Variants in MAP7 observed in about 807,000 individuals in gnomAD.
MAP7 encodes the protein microtubule associated protein 7.
Under a neutral mutation model 94.8 loss-of-function variants are expected in MAP7, and 52 were observed. The ratio of observed to expected loss-of-function variants is 0.55; its 90% CI spans 0.44 to 0.69. MAP7 has a LOEUF of 0.69. MAP7 is among the 30% of genes least tolerant of loss of function. The pLI is 0.00. For synonymous variants in MAP7, 350 were observed against 357.0 expected, an observed-to-expected ratio of 0.98 and a Z score of 0.22; for missense variants, 940 against 964.6, an observed-to-expected ratio of 0.97 and a Z score of 0.34.
intron 6 of MAP7, among the ~76,000 whole-genome samples, chr6:136,382,136 C>A (rs1777983761): frequency 6.6e-6 from 1 of 152,074 alleles, no homozygotes; most frequent in African/African-American, 2.4e-5. Flanking sequence ...TTTTTCAGTT[C>A]CAAGATTCTA....
chr6:136,448,978 G>C (rs1274219971), intron 1 of MAP7, among the ~76,000 whole-genome samples: 1 of 147,684 alleles, frequency 6.8e-6, no homozygotes, highest in African/African-American at 2.5e-5. Flanking sequence ...AATGTTCCAG[G>C]TACTGGGGAC....
chr6:136,407,257 T>C (rs1785909252), intron 3 of MAP7, among the ~76,000 whole-genome samples: 1 of 152,214 alleles, frequency 6.6e-6, no homozygotes, highest in Non-Finnish European at 1.5e-5. Flanking sequence ...TCATATTCTT[T>C]GGAAGCTTAA....
chr6:136,393,823 T>A (rs1582777507), intron 3 of MAP7, among the ~76,000 whole-genome samples: 1 of 99,904 alleles, frequency 1.0e-5, no homozygotes, highest in Non-Finnish European at 2.1e-5. Context: ...TTTTTTTTTT[T>A]AGAGATAGGG....
At chr6:136,477,327 A>T (rs1378674837) in intron 1 of MAP7, among the ~76,000 whole-genome samples, 1 of 152,214 alleles carries the variant, frequency 6.6e-6, no homozygotes, top group Non-Finnish European at 1.5e-5. Flanking sequence ...CTGCCCTTGA[A>T]TGCTTCAAAA....
At chr6:136,356,160 T>C (rs539184698) in intron 16 of MAP7, among the ~76,000 whole-genome samples, 34 of 152,270 alleles carry the variant, frequency 2.2e-4, no homozygotes, top group African/African-American at 8.2e-4. Flanking sequence ...TAACAGATTA[T>C]CACTTGTTTT....
At chr6:136,471,851 A>G (rs1167836950) in intron 1 of MAP7, among the ~76,000 whole-genome samples, 2 of 152,182 alleles carry the variant, frequency 1.3e-5, no homozygotes, top group African/African-American at 2.4e-5. Context: ...TCCTACCCTT[A>G]CTACAGGCAT....
intron 1 of MAP7, among the ~76,000 whole-genome samples, chr6:136,502,000 C>A (rs893040066): frequency 2.6e-5 from 4 of 152,160 alleles, no homozygotes. Context: ...GTATTTGCCA[C>A]TAGATTCCAA....
Position 136,377,888 on chromosome 6 carries a change from C to T in MAP7, c.638-20G>A, listed in dbSNP as rs1582726936. 3.2e-6 allele frequency: 5 copies of T among 1,560,452 alleles called. No individual in the cohort carries two copies. Among genetic ancestry groups the T allele is most frequent in the Non-Finnish European group, 4.4e-6 (5 of 1,132,132 alleles). ...GGCGAGCTAAACGTCACCACATAAG[C>T]AAGATGTTAGAAGCATTCTTTTCAG... On this transcript the variant is annotated intron_variant, in intron 6 of 17. Coordinates refer to ENST00000354570, the MANE Select transcript of MAP7 (RefSeq NM_003980.6).
intron 1 of MAP7, among the ~76,000 whole-genome samples, chr6:136,540,640 G>A (rs1265106309): frequency 1.3e-5 from 2 of 152,126 alleles, no homozygotes; most frequent in Non-Finnish European, 2.9e-5. Context: ...TTGCTATTAC[G>A]ATTTTCCATG....
rs371652446 is a variant in MAP7 at position 136,366,336 on chromosome 6, G to A, written c.980C>T (p.Ser327Phe). Residue 327 changes from serine to phenylalanine, a missense_variant, in exon 9 of 18, where the codon TCC becomes TTC. Coordinates refer to ENST00000354570, the MANE Select transcript of MAP7 (RefSeq NM_003980.6). ...SNPKARQPARSRLWLPSKSLP... is the reference protein window; with the variant it reads ...SNPKARQPARFRLWLPSKSLP... Reference sequence around the variant, plus strand: ...CTTATATTTCACTTACCAAAGTCGGGAGCGAGCTGGTTGTCTTGCTTTGGG... The same window carrying A: ...CTTATATTTCACTTACCAAAGTCGGAAGCGAGCTGGTTGTCTTGCTTTGGG... 9.9e-6 allele frequency: 16 copies of A among 1,613,666 alleles called. No individual in the cohort carries two copies. Among genetic ancestry groups the A allele is most frequent in the African/African-American group, 2.7e-5 (2 of 74,912 alleles).
intron 1 of MAP7, among the ~76,000 whole-genome samples, chr6:136,543,004 CTGTT>C (rs1460149275): frequency 6.6e-6 from 1 of 152,322 alleles, no homozygotes; most frequent in East Asian, 1.9e-4. Context: ...CTCACATACA[CTGTT>C]TGTAAGAATG....
At chr6:136,487,852 C>G (rs1815258308) in intron 1 of MAP7, among the ~76,000 whole-genome samples, 1 of 152,226 alleles carries the variant, frequency 6.6e-6, no homozygotes, top group East Asian at 1.9e-4. Context: ...AATGATGGCA[C>G]AAAAGATGCT....
At chr6:136,476,276 T>C (rs1238727261) in intron 1 of MAP7, 2 of 152,206 alleles carry the variant, frequency 1.3e-5, no homozygotes, top group African/African-American at 4.8e-5. Flanking sequence ...CTGTCATTTA[T>C]TCTCAAGAGC....
At chr6:136,488,024 C>T (rs1435634083) in intron 1 of MAP7, among the ~76,000 whole-genome samples, 1 of 152,206 alleles carries the variant, frequency 6.6e-6, no homozygotes, top group East Asian at 1.9e-4. Context: ...TTTACTTTCA[C>T]ATTATGTTCA....
Position 136,504,100 on chromosome 6 carries a change from G to A in MAP7, c.67+46242C>T, listed in dbSNP as rs567843262. On this transcript the variant is annotated intron_variant, in intron 1 of 17. Coordinates refer to ENST00000354570, the MANE Select transcript of MAP7 (RefSeq NM_003980.6). ...TAAAACTTCAGTAGGGGAAGTAAAA[G>A]TAGCAAACTGATATGTTAATATGAC... is the stretch of plus-strand genomic sequence containing the variant. Among the ~76,000 whole-genome samples, 103 of 152,212 alleles carry A rather than the reference G, an allele frequency of 6.8e-4. 1 individual carries two copies. The highest frequency in any genetic ancestry group is 2.0e-3 in the Admixed American group (31 of 15,290).
intron 1 of MAP7, among the ~76,000 whole-genome samples, chr6:136,467,161 T>C (rs1050450712): frequency 6.6e-6 from 1 of 152,172 alleles, no homozygotes; most frequent in Non-Finnish European, 1.5e-5. Context: ...CCAAACAGAA[T>C]GCACATTAAA....
chr6:136,549,977 G>A (rs932673040), intron 1 of MAP7, among the ~76,000 whole-genome samples: 1 of 152,190 alleles, frequency 6.6e-6, no homozygotes, highest in African/African-American at 2.4e-5. Context: ...GGTTTGGTCT[G>A]GGGGATACGA....
At chr6:136,509,065 T>C (rs1400885504) in intron 1 of MAP7, among the ~76,000 whole-genome samples, 1 of 152,244 alleles carries the variant, frequency 6.6e-6, no homozygotes, top group Non-Finnish European at 1.5e-5. Context: ...AACTCTCTCA[T>C]GAAGCATCTG....
At chr6:136,409,792 G>C (rs1436271115) in intron 3 of MAP7, among the ~76,000 whole-genome samples, 1 of 152,218 alleles carries the variant, frequency 6.6e-6, no homozygotes, top group African/African-American at 2.4e-5. Flanking sequence ...CCTAGCCCTA[G>C]AGGGCTGGGT....
Sources: allele counts gnomAD v4.1 joint callset (sites outside exome capture counted in the v4.1 genomes callset), GRCh38; gene constraint gnomAD v4.1.1; transcripts MANE v1.5; gene names NCBI Gene and HGNC (gene_info 2026-07-23, HGNC 2026-07-21).